USP54: variants seen among roughly 807,000 people sequenced by gnomAD.
USP54 encodes the protein ubiquitin carboxyl-terminal hydrolase 54.
In USP54, 87 loss-of-function variants were observed where a neutral mutation model predicts 170.5. That is an observed-to-expected ratio of 0.51 (90% CI 0.43 to 0.61). The LOEUF is 0.61. Among genes scored for constraint, USP54 ranks in the 20% least tolerant of loss-of-function variants. The pLI is 0.00. For synonymous variants in USP54, 655 were observed against 742.8 expected, an observed-to-expected ratio of 0.88 and a Z score of 1.92; for missense variants, 1,786 against 2,047.8, an observed-to-expected ratio of 0.87 and a Z score of 2.47.
chr10:73,607,280 G>A (rs976077695), intron 1 of USP54, among the ~76,000 whole-genome samples: 2 of 145,110 alleles, frequency 1.4e-5, no homozygotes, highest in Non-Finnish European at 3.0e-5. Flanking sequence ...TTGCAGGACA[G>A]TGAGACCTGG....
At chr10:73,536,777 A>G (rs1232102584) in intron 10 of USP54, among the ~76,000 whole-genome samples, 1 of 152,198 alleles carries the variant, frequency 6.6e-6, no homozygotes, top group Admixed American at 6.5e-5. Flanking sequence ...CTTGGTGACC[A>G]ATTTCTTTTC....
intron 1 of USP54, among the ~76,000 whole-genome samples, chr10:73,588,090 A>AT (rs2077735651): frequency 6.6e-6 from 1 of 152,226 alleles, no homozygotes; most frequent in African/African-American, 2.4e-5. Context: ...ACACACACAC[A>AT]TATAACTACT....
At position 73,530,728 on chromosome 10, in the gene USP54, G is replaced by C. The variant is rs1212095159; in HGVS notation, c.1423C>G (p.Gln475Glu). 1.2e-6 allele frequency: 2 copies of C among 1,614,160 alleles called. No homozygotes were observed. The highest frequency in any genetic ancestry group is 8.5e-7 in the Non-Finnish European group (1 of 1,180,024). ...CCTTCACTGTGGTATCCCGAGGCCTGGGGCTCATCGCCTTTCCTCCTAACC... is the reference window on the plus strand; with the variant it reads ...CCTTCACTGTGGTATCCCGAGGCCTCGGGCTCATCGCCTTTCCTCCTAACC... ...GRVRRKGDEP[Q>E]ASGYHSEGET... The change falls in exon 13 of 24, where the codon CAG (glutamine) becomes GAG (glutamate). Residue 475 changes from glutamine to glutamate, a missense_variant. Around this residue, in one of 3 missense-constraint regions of USP54, gnomAD observed 1,418 missense variants for 1,569.0 expected, o/e 0.90. Transcript: ENST00000687698.
intron 4 of USP54, among the ~76,000 whole-genome samples, chr10:73,568,523 G>A (rs1470190266): frequency 1.3e-5 from 2 of 152,094 alleles, no homozygotes; most frequent in East Asian, 1.9e-4. Context: ...CATCTAAAAC[G>A]TGAAGTGTGT....
At chr10:73,618,389 G>A (rs1485247153) in intron 1 of USP54, among the ~76,000 whole-genome samples, 2 of 150,250 alleles carry the variant, frequency 1.3e-5, no homozygotes, top group Non-Finnish European at 2.9e-5. Flanking sequence ...AGCCTCCCAA[G>A]TAGCCAGGAC....
chr10:73,587,333 G>A (rs1251230671), intron 1 of USP54, among the ~76,000 whole-genome samples: 1 of 152,054 alleles, frequency 6.6e-6, no homozygotes, highest in African/African-American at 2.4e-5. Context: ...AAATTAGCCG[G>A]GTGTGGTGGC....
chr10:73,595,582 C>T (rs1372916749), upstream of USP54, among the ~76,000 whole-genome samples: 2 of 152,166 alleles, frequency 1.3e-5, no homozygotes, highest in East Asian at 1.9e-4. Context: ...AGGGGCCACA[C>T]ATTTGGGCTT....
chr10:73,613,428 G>A (rs1265320743), intron 1 of USP54, among the ~76,000 whole-genome samples: 7 of 150,202 alleles, frequency 4.7e-5, no homozygotes, highest in Non-Finnish European at 4.4e-5. Flanking sequence ...GTGAGCCACC[G>A]CACCCGGCCT....
intron 1 of USP54, among the ~76,000 whole-genome samples, chr10:73,619,269 T>C (rs58548408): frequency 0.18 from 27,135 of 149,664 alleles, 5,371 homozygotes; most frequent in African/African-American, 0.43. Context: ...TGTTAGTTAC[T>C]CAGCCTGGAG....
intron 1 of USP54, among the ~76,000 whole-genome samples, chr10:73,598,545 G>A (rs1375037807): frequency 6.6e-6 from 1 of 152,160 alleles, no homozygotes; most frequent in African/African-American, 2.4e-5. Context: ...GGGAGGCCGA[G>A]AAGGCCGATC....
At chr10:73,508,801 G>A (rs1046164504) in intron 20 of USP54, among the ~76,000 whole-genome samples, 3 of 151,572 alleles carry the variant, frequency 2.0e-5, no homozygotes, top group African/African-American at 7.3e-5. Flanking sequence ...CCGAGTAGCT[G>A]GGACTACAGG....
intron 17 of USP54, among the ~76,000 whole-genome samples, chr10:73,521,419 C>T (rs777432301): frequency 1.3e-5 from 2 of 152,230 alleles, no homozygotes; most frequent in African/African-American, 2.4e-5. Context: ...AATTGAACTG[C>T]TCTTTCCCAG....
chr10:73,538,092 C>G (rs911862241), intron 10 of USP54: 1 of 152,144 alleles, frequency 6.6e-6, no homozygotes, highest in African/African-American at 2.4e-5. Flanking sequence ...GTAATCCCAG[C>G]TACTCGGGAG....
intron 19 of USP54, chr10:73,518,188 C>A (rs1474984247): frequency 8.1e-6 from 8 of 985,308 alleles, no homozygotes. Context: ...GCAAGTCCTA[C>A]CTGGGGTCCT....
chr10:73,519,694 C>T (rs988165595), intron 19 of USP54, 103 bp downstream of exon 19: 5 of 1,533,414 alleles, frequency 3.3e-6, no homozygotes, highest in Non-Finnish European at 3.5e-6. Flanking sequence ...GAGGACTCCT[C>T]TCTCCCCTTC....
At chr10:73,501,964 C>T (rs1384204238) in intron 22 of USP54, among the ~76,000 whole-genome samples, 3 of 152,128 alleles carry the variant, frequency 2.0e-5, no homozygotes, top group Non-Finnish European at 2.9e-5. Context: ...ACTCTTTATT[C>T]TCTTGCCTTA....
chr10:73,570,550 C>CTTTTTTTT (rs554652532), intron 4 of USP54, among the ~76,000 whole-genome samples: 1 of 132,262 alleles, frequency 7.6e-6, no homozygotes. Context: ...TTTCCTTTTT[C>CTTTTTTTT]TTTTTTTTTT....
chr10:73,596,834 C>A (rs1157152763), intron 1 of USP54, among the ~76,000 whole-genome samples: 1 of 150,366 alleles, frequency 6.7e-6, no homozygotes, highest in Non-Finnish European at 1.5e-5. Context: ...GGCAATTTAA[C>A]AGGCCATAGA....
chr10:73,553,851 C>A (rs903977863), intron 4 of USP54, among the ~76,000 whole-genome samples: 2 of 152,178 alleles, frequency 1.3e-5, no homozygotes, highest in African/African-American at 4.8e-5. Flanking sequence ...TAACTAGTTT[C>A]TTGGATGCAG....
Sources: gnomAD v4.1 joint callset for allele counts (sites outside exome capture counted in the v4.1 genomes callset) on GRCh38, gnomAD v4.1.1 for gene constraint, gnomAD v4.1.1 regional missense constraint, MANE v1.5 for transcripts, NCBI Gene and HGNC (gene_info 2026-07-23, HGNC 2026-07-21) for gene names.